GALNT18: variants seen among roughly 807,000 people sequenced by gnomAD.
GALNT18 encodes the protein polypeptide N-acetylgalactosaminyltransferase 18, also known as GalNAc-transferase 18.
A neutral mutation model predicts 69.5 loss-of-function variants in GALNT18; 44 were observed. The observed-to-expected ratio is 0.63, with a 90% confidence interval of 0.50 to 0.81. GALNT18 has a LOEUF of 0.81. Among genes scored for constraint, GALNT18 ranks in the 40% least tolerant of loss-of-function variants. GALNT18 has a pLI of 0.00. For missense variants in GALNT18, 715 were observed against 810.0 expected, an observed-to-expected ratio of 0.88 and a Z score of 1.42; for synonymous variants, 364 against 318.2, an observed-to-expected ratio of 1.14 and a Z score of -1.53.
intron 1 of GALNT18, among the ~76,000 whole-genome samples, chr11:11,530,122 C>T (rs4910378): frequency 2.0e-5 from 3 of 151,956 alleles, no homozygotes; most frequent in Non-Finnish European, 2.9e-5. Context: ...TCACATGCAC[C>T]GGCTTGTGAT....
chr11:11,405,663 C>T (rs960673422), intron 3 of GALNT18, among the ~76,000 whole-genome samples: 3 of 152,204 alleles, frequency 2.0e-5, no homozygotes, highest in African/African-American at 7.2e-5. Context: ...ATGCAGACCA[C>T]AAGTGGGGGC....
At chr11:11,374,019 G>A (rs2133679966) in intron 5 of GALNT18, among the ~76,000 whole-genome samples, 1 of 152,332 alleles carries the variant, frequency 6.6e-6, no homozygotes. Context: ...CCTGGGGAAT[G>A]CAGATACAGG....
chr11:11,306,102 C>A (rs561992444), intron 9 of GALNT18, among the ~76,000 whole-genome samples: 60 of 152,294 alleles, frequency 3.9e-4, no homozygotes, highest in African/African-American at 1.2e-3. Flanking sequence ...TTACCTGGTC[C>A]TCCTGAGAAA....
intron 1 of GALNT18, among the ~76,000 whole-genome samples, chr11:11,513,464 C>A (rs769782633): frequency 1.3e-5 from 2 of 152,194 alleles, no homozygotes; most frequent in Non-Finnish European, 2.9e-5. Context: ...CTTTCAAAGA[C>A]GTGGGTTGTC....
intron 9 of GALNT18, among the ~76,000 whole-genome samples, chr11:11,295,063 ACTT>A (rs2133008584): frequency 1.3e-5 from 2 of 152,322 alleles, no homozygotes; most frequent in East Asian, 3.9e-4. Context: ...GTTGACAACT[ACTT>A]TTTAAACCTG....
intron 1 of GALNT18, among the ~76,000 whole-genome samples, chr11:11,611,970 T>G (rs1039882182): frequency 6.6e-6 from 1 of 152,150 alleles, no homozygotes; most frequent in Non-Finnish European, 1.5e-5. Flanking sequence ...GGCCTCCCAT[T>G]TGACCTGAGG....
At chr11:11,362,907 A>G (rs866455306) in intron 6 of GALNT18, among the ~76,000 whole-genome samples, 1 of 152,334 alleles carries the variant, frequency 6.6e-6, no homozygotes, top group Middle Eastern at 3.4e-3. Context: ...TTATAGCACT[A>G]TGCTCTCAAA....
intron 10 of GALNT18, among the ~76,000 whole-genome samples, chr11:11,287,938 GTC>G (rs1230225659): frequency 6.6e-6 from 1 of 152,124 alleles, no homozygotes; most frequent in African/African-American, 2.4e-5. Flanking sequence ...CTGCTGAAAT[GTC>G]TCTCAAAGTC....
At chr11:11,276,725 TATTGA>T (rs1848956878) in intron 10 of GALNT18, among the ~76,000 whole-genome samples, 1 of 151,840 alleles carries the variant, frequency 6.6e-6, no homozygotes, top group Admixed American at 6.5e-5. Flanking sequence ...CATGAAGGGG[TATTGA>T]ATTTTATGGA....
intron 1 of GALNT18, among the ~76,000 whole-genome samples, chr11:11,559,556 G>A (rs1426271877): frequency 1.3e-5 from 2 of 152,090 alleles, no homozygotes; most frequent in Non-Finnish European, 2.9e-5. Context: ...GATATGATGG[G>A]ATGGGATGGG....
intron 1 of GALNT18, among the ~76,000 whole-genome samples, chr11:11,492,664 G>A (rs1277640161): frequency 2.1e-5 from 3 of 146,334 alleles, no homozygotes; most frequent in African/African-American, 2.5e-5. Context: ...ACCAAACACC[G>A]CATGTTCTCA....
At chr11:11,391,462 C>T (rs1363526667) in intron 3 of GALNT18, among the ~76,000 whole-genome samples, 1 of 152,238 alleles carries the variant, frequency 6.6e-6, no homozygotes, top group African/African-American at 2.4e-5. Context: ...CATTTCCTGT[C>T]TATGGGACCA....
chr11:11,377,163 A>G lies in GALNT18; in HGVS notation c.977+19T>C. 1 of 1,609,830 alleles carries G rather than the reference A, an allele frequency of 6.2e-7. No homozygotes were observed. ...TGGAGGTCAAAGCGGAGAGACCCAC[A>G]GGTAAAGGTTTGCTTTACCTGATTG... is the stretch of plus-strand genomic sequence containing the variant. On this transcript the variant is annotated intron_variant, in intron 5 of 10. Transcript: ENST00000227756. This position sits in a 1 kb window ranked among gnomAD's most constrained non-coding sequence, Gnocchi z 4.6.
chr11:11,329,287 CT>C (rs2133045989), intron 8 of GALNT18, among the ~76,000 whole-genome samples: 1 of 151,680 alleles, frequency 6.6e-6, no homozygotes, highest in South Asian at 2.1e-4. Context: ...GGGAAACCAG[CT>C]TTTAGGAATG....
At chr11:11,282,960 A>G (rs1385003109) in intron 10 of GALNT18, among the ~76,000 whole-genome samples, 2 of 152,152 alleles carry the variant, frequency 1.3e-5, no homozygotes, top group Non-Finnish European at 2.9e-5. Context: ...AGCTGGAGGC[A>G]GACGGCAAGT....
intron 1 of GALNT18, among the ~76,000 whole-genome samples, chr11:11,508,396 C>T (rs1261928960): frequency 6.6e-6 from 1 of 152,230 alleles, no homozygotes; most frequent in African/African-American, 2.4e-5. Context: ...GCTCATCCCA[C>T]TGCACTCCAT....
chr11:11,278,459 C>A (rs1176254707), intron 10 of GALNT18, among the ~76,000 whole-genome samples: 2 of 151,680 alleles, frequency 1.3e-5, no homozygotes, highest in African/African-American at 4.8e-5. Flanking sequence ...CACGTGTATA[C>A]CTCTGTAAAA....
intron 10 of GALNT18, among the ~76,000 whole-genome samples, chr11:11,272,700 T>C (rs1331481585): frequency 6.6e-6 from 1 of 152,150 alleles, no homozygotes; most frequent in Non-Finnish European, 1.5e-5. Flanking sequence ...AAAGCTCAAC[T>C]CCTCCATTTC....
Position 11,483,438 on chromosome 11 carries a change from T to A in GALNT18, c.236-34502A>T, listed in dbSNP as rs186073785. On this transcript the variant is annotated intron_variant, in intron 1 of 10. Coordinates refer to ENST00000227756, the MANE Select transcript of GALNT18 (RefSeq NM_198516.3). The stretch of plus-strand genomic sequence containing the variant: ...CGGTCAGCTCTATACAACCAACTGC[T>A]GCCACAGACACTTGAAACGTCTTGG... Among the ~76,000 whole-genome samples the A allele has an allele frequency of 2.5e-3, 386 of 152,328 alleles. 1 individual carries two copies. The highest frequency in any genetic ancestry group is 6.8e-3 in the Middle Eastern group (2 of 294).
Sources: gnomAD v4.1 joint callset for allele counts (sites outside exome capture counted in the v4.1 genomes callset) on GRCh38, gnomAD v4.1.1 for gene constraint, Gnocchi (gnomAD v3.1) non-coding constraint, MANE v1.5 for transcripts, NCBI Gene and HGNC (gene_info 2026-07-23, HGNC 2026-07-21) for gene names.